The following EPB41L4B variants were observed in gnomAD, a reference collection of about 807,000 sequenced individuals.
EPB41L4B encodes the protein erythrocyte membrane protein band 4.1 like 4B, also known as band 4.1-like protein 4B.
Under a neutral mutation model 112.5 loss-of-function variants are expected in EPB41L4B, and 30 were observed. The observed-to-expected ratio is 0.27, with a 90% CI of 0.20 to 0.36. The LOEUF (loss-of-function observed/expected upper bound fraction) is 0.36, where lower values mean the gene tolerates loss of function less well. Among genes scored for constraint, EPB41L4B ranks in the 10% least tolerant of loss-of-function variants. The pLI is 1.00. For synonymous variants in EPB41L4B, 408 were observed against 439.7 expected, an observed-to-expected ratio of 0.93 and a Z score of 0.90; for missense variants, 1,024 against 1,133.3, an observed-to-expected ratio of 0.90 and a Z score of 1.38.
chr9:109,306,919 C>T (rs558201338), intron 1 of EPB41L4B, among the ~76,000 whole-genome samples: 2 of 152,254 alleles, frequency 1.3e-5, no homozygotes, highest in South Asian at 4.1e-4. Context: ...ACATCCACAC[C>T]CCACCCTAAA....
chr9:109,225,143 G>A (rs772049899), intron 15 of EPB41L4B, among the ~76,000 whole-genome samples: 10 of 152,164 alleles, frequency 6.6e-5, no homozygotes, highest in South Asian at 2.1e-4. Context: ...ACATGTTTTC[G>A]TGTCCTCCAC....
intron 6 of EPB41L4B, among the ~76,000 whole-genome samples, chr9:109,261,316 G>T (rs1835193953): frequency 6.6e-6 from 1 of 151,906 alleles, no homozygotes; most frequent in African/African-American, 2.4e-5. Context: ...GCGGGGGTGG[G>T]GTGAGGGGGG....
chr9:109,216,606 A>T (rs976387638), intron 16 of EPB41L4B, among the ~76,000 whole-genome samples: 16 of 148,238 alleles, frequency 1.1e-4, no homozygotes, highest in African/African-American at 3.5e-4. Flanking sequence ...ATGCCACTGC[A>T]CTCCAGCCTG....
chr9:109,247,323 AAGG>A (rs1834597697), intron 14 of EPB41L4B, among the ~76,000 whole-genome samples: 2 of 152,338 alleles, frequency 1.3e-5, no homozygotes, highest in South Asian at 2.1e-4. Context: ...AAAATCCAAG[AAGG>A]GGAATGAAAG....
In EPB41L4B at chr9:109,258,317, G is replaced by A. The variant is rs930756051; in HGVS notation, c.632-20C>T. 2.5e-6 allele frequency: 4 copies of A among 1,607,208 alleles called. No individual in the cohort carries two copies. The African/African-American group carries it at 5.3e-5, about 21-fold the overall frequency. On this transcript the variant is annotated intron_variant, in intron 6 of 25. Coordinates refer to ENST00000374566, the MANE Select transcript of EPB41L4B (RefSeq NM_019114.5). ...GCTCCGCTGTAAGTTTCATAAAAGGGAGGAAAATAGGAGACATTGAATGAT... is the reference window on the plus strand; with the variant it reads ...GCTCCGCTGTAAGTTTCATAAAAGGAAGGAAAATAGGAGACATTGAATGAT...
intron 15 of EPB41L4B, among the ~76,000 whole-genome samples, chr9:109,237,010 A>G (rs909356364): frequency 4.7e-4 from 71 of 152,296 alleles, no homozygotes; most frequent in Non-Finnish European, 9.0e-4. Context: ...CTGTTCAGGG[A>G]GTTCTTTAAT....
chr9:109,264,868 C>CT (rs1564304593), intron 5 of EPB41L4B, 112 bp downstream of exon 5: 5 of 951,546 alleles, frequency 5.3e-6, no homozygotes, highest in Non-Finnish European at 7.6e-6. Context: ...GCCTGGTGCA[C>CT]TTTTTTTGAA....
In EPB41L4B at chr9:109,203,809, A is replaced by G. The variant is rs577669194; in HGVS notation, c.1879-79T>C. On this transcript the variant is annotated intron_variant, in intron 18 of 25. Transcript: ENST00000374566. ...AATGTTTTCAAGTCTCTTACATTCA[A>G]AAGATTATAGAAATTGGCAAGTGGA... The G allele has an allele frequency of 1.1e-4, 137 of 1,201,686 alleles. No homozygotes were observed. In the South Asian group the frequency reaches 1.6e-3, roughly 14 times the overall value. The allele number at this position is 1,201,686 out of a possible 1,614,324, so 74.4% of individuals were successfully genotyped here. A position where few individuals can be genotyped will look rare whatever the true frequency, so the allele number is the denominator to read the frequency against.
At chr9:109,236,008 C>A (rs1329698363) in intron 15 of EPB41L4B, among the ~76,000 whole-genome samples, 2 of 152,212 alleles carry the variant, frequency 1.3e-5, no homozygotes, top group Non-Finnish European at 2.9e-5. Context: ...GGGCTCTTGT[C>A]CCTTGACAAA....
intron 15 of EPB41L4B, among the ~76,000 whole-genome samples, chr9:109,221,989 A>G (rs775883206): frequency 6.6e-6 from 1 of 151,882 alleles, no homozygotes; most frequent in Non-Finnish European, 1.5e-5. Context: ...TTGATTATTG[A>G]TGTCTGCCAT....
chr9:109,276,691 C>T (rs537959604), intron 2 of EPB41L4B, among the ~76,000 whole-genome samples: 84 of 152,310 alleles, frequency 5.5e-4, no homozygotes, highest in Non-Finnish European at 9.3e-4. Flanking sequence ...AGGGCACTGG[C>T]GGGCGGGAAA....
intron 4 of EPB41L4B, 145 bp downstream of exon 4, chr9:109,267,328 C>T (rs143710243): frequency 2.9e-4 from 151 of 520,558 alleles, no homozygotes; most frequent in African/African-American, 2.5e-3. Flanking sequence ...TAACGGAACA[C>T]GGAAGCACCG....
At chr9:109,247,816 G>GA (rs753072476) in intron 13 of EPB41L4B, 27 bp from the exon 14 acceptor site, 1,704 of 1,401,154 alleles carry the variant, frequency 1.2e-3, no homozygotes, top group South Asian at 2.8e-3. Flanking sequence ...ACAAAAAACA[G>GA]AAAAAAAAAG....
chr9:109,174,079 G>T lies in EPB41L4B; in HGVS notation c.*475C>A. ...CATCTGAATACAAATGAATGTTAAAGACTTTATAAGATCTGTGTATTTATC... is the reference window on the plus strand; with the variant it reads ...CATCTGAATACAAATGAATGTTAAATACTTTATAAGATCTGTGTATTTATC... On this transcript the variant is annotated 3_prime_UTR_variant, in exon 26 of 26. Transcript: ENST00000374566. 1 of 153,908 alleles carries T rather than the reference G, an allele frequency of 6.5e-6. No individual in the cohort carries two copies. The highest frequency in any genetic ancestry group is 6.4e-5 in the Admixed American group (1 of 15,570). The allele number at this position is 153,908 out of a possible 1,614,324, so 9.5% of individuals were successfully genotyped here. A position where few individuals can be genotyped will look rare whatever the true frequency, so the allele number is the denominator to read the frequency against.
chr9:109,185,871 C>T (rs1010705556), intron 22 of EPB41L4B, among the ~76,000 whole-genome samples: 1 of 146,828 alleles, frequency 6.8e-6, no homozygotes, highest in African/African-American at 2.5e-5. Flanking sequence ...GAGCAGATGA[C>T]ATACCAAGAC....
intron 19 of EPB41L4B, among the ~76,000 whole-genome samples, chr9:109,202,897 T>C (rs1283155388): frequency 6.6e-6 from 1 of 152,182 alleles, no homozygotes; most frequent in Non-Finnish European, 1.5e-5. Context: ...GGCTCACACC[T>C]GTAATCTCAG....
At chr9:109,282,547 C>G (rs1162424380) in intron 1 of EPB41L4B, among the ~76,000 whole-genome samples, 1 of 152,152 alleles carries the variant, frequency 6.6e-6, no homozygotes, top group African/African-American at 2.4e-5. Flanking sequence ...CACTGAACAT[C>G]AGTGGCTACT....
chr9:109,266,690 G>A (rs1038242748), intron 4 of EPB41L4B, among the ~76,000 whole-genome samples: 6 of 152,054 alleles, frequency 3.9e-5, no homozygotes, highest in Non-Finnish European at 8.8e-5. Flanking sequence ...AATTCAGGCC[G>A]GGCGCAGTGG....
At chr9:109,290,726 T>TAC (rs1263517057) in intron 1 of EPB41L4B, among the ~76,000 whole-genome samples, 1 of 150,146 alleles carries the variant, frequency 6.7e-6, no homozygotes. Flanking sequence ...TATATATATA[T>TAC]ATACACACAC....
Sources: gnomAD v4.1 joint callset for allele counts (sites outside exome capture counted in the v4.1 genomes callset) on GRCh38, gnomAD v4.1.1 for gene constraint, MANE v1.5 for transcripts, NCBI Gene and HGNC (gene_info 2026-07-23, HGNC 2026-07-21) for gene names.